CHODL: variants seen among roughly 807,000 people sequenced by gnomAD.
CHODL encodes the protein chondrolectin, also known as transmembrane protein MT75.
In CHODL, 29 loss-of-function variants were observed where a neutral mutation model predicts 34.5. That is an observed-to-expected ratio of 0.84 (90% CI 0.63 to 1.15). CHODL has a LOEUF of 1.15. CHODL is among the 50% of genes most tolerant of loss of function. CHODL has a pLI of 0.00. For synonymous variants in CHODL, 125 were observed against 116.1 expected (o/e 1.08, Z -0.49); for missense variants, 332 against 332.5 (o/e 1.00, Z 0.01).
chr21:17,943,614 C>A (rs1207864220), intron 1 of CHODL, among the ~76,000 whole-genome samples: 2 of 152,198 alleles, frequency 1.3e-5, no homozygotes, highest in Non-Finnish European at 2.9e-5. Flanking sequence ...CTAGAACATT[C>A]TTTCAAAAAC....
At chr21:18,092,137 C>CCCCCAGTT (rs1028834634) in intron 2 of CHODL, among the ~76,000 whole-genome samples, 1 of 152,054 alleles carries the variant, frequency 6.6e-6, no homozygotes, top group Non-Finnish European at 1.5e-5. Flanking sequence ...CATCATCACA[C>CCCCCAGTT]CCCCAGTTCC....
At chr21:18,241,503 G>A (rs1465392590), upstream of CHODL, among the ~76,000 whole-genome samples, 2 of 152,144 alleles carry the variant, frequency 1.3e-5, no homozygotes, top group Non-Finnish European at 2.9e-5. Context: ...CTCCTTTGAA[G>A]ATCCTATTTG....
At chr21:18,187,114 G>A (rs1451089456) in intron 2 of CHODL, among the ~76,000 whole-genome samples, 2 of 152,156 alleles carry the variant, frequency 1.3e-5, no homozygotes, top group Non-Finnish European at 2.9e-5. Flanking sequence ...GCAGAATAGA[G>A]TGGAGGATTA....
intron 2 of CHODL, among the ~76,000 whole-genome samples, chr21:18,237,825 A>G (rs1009261164): frequency 6.6e-6 from 1 of 152,132 alleles, no homozygotes. Context: ...TCTACTGTTT[A>G]TTTACAGTAG....
intron 2 of CHODL, among the ~76,000 whole-genome samples, chr21:18,148,818 A>G (rs918926362): frequency 1.3e-5 from 2 of 152,068 alleles, no homozygotes; most frequent in Non-Finnish European, 2.9e-5. Flanking sequence ...CTTATTATCA[A>G]CATTCAAATG....
At chr21:17,950,680 G>A (rs2146341242) in intron 1 of CHODL, among the ~76,000 whole-genome samples, 1 of 152,294 alleles carries the variant, frequency 6.6e-6, no homozygotes, top group South Asian at 2.1e-4. Context: ...GGGCTGGGTA[G>A]GCAGAGGAGC....
chr21:18,060,354 C>G (rs2064644297), intron 2 of CHODL, among the ~76,000 whole-genome samples: 1 of 151,954 alleles, frequency 6.6e-6, no homozygotes, highest in African/African-American at 2.4e-5. Flanking sequence ...ACTTGGGAGG[C>G]TGATGCGGGA....
chr21:18,071,872 A>G (rs915720994), intron 2 of CHODL, among the ~76,000 whole-genome samples: 17 of 152,146 alleles, frequency 1.1e-4, no homozygotes, highest in African/African-American at 4.1e-4. Context: ...TTCAAATATC[A>G]GGCTTACTTT....
At chr21:18,201,286 T>C (rs983632199) in intron 2 of CHODL, among the ~76,000 whole-genome samples, 2 of 152,166 alleles carry the variant, frequency 1.3e-5, no homozygotes, top group Non-Finnish European at 2.9e-5. Context: ...TTTTAGGGCT[T>C]AGATTTTATA....
Position 18,263,195 on chromosome 21 carries a change from GA to G in CHODL, c.737+303del, listed in dbSNP as rs1430309469. On this transcript the variant is annotated intron_variant, in intron 5 of 5. Transcript: ENST00000299295. ...GTGTCCACGGTGAATCTGAAATTTG[GA>G]TGTTTGTAAACTTCCAACATATGCA... is the stretch of plus-strand genomic sequence containing the variant. Among the ~76,000 whole-genome samples, 4 of 152,140 alleles carry G rather than the reference GA, an allele frequency of 2.6e-5. No individual in the cohort carries two copies. The East Asian group carries it at 7.7e-4, about 29-fold the overall frequency.
chr21:18,190,585 G>A (rs59156989), intron 2 of CHODL, among the ~76,000 whole-genome samples: 4,036 of 152,272 alleles, frequency 0.027, 190 homozygotes, highest in African/African-American at 0.09. Flanking sequence ...AGTAGCAGAA[G>A]CAGAATTTAT....
At chr21:18,080,892 T>C (rs1341920468) in intron 2 of CHODL, among the ~76,000 whole-genome samples, 2 of 152,216 alleles carry the variant, frequency 1.3e-5, no homozygotes, top group Non-Finnish European at 2.9e-5. Context: ...GGTAACTCGA[T>C]AGGGATTGCC....
chr21:18,211,915 TGA>T (rs564560207), intron 2 of CHODL, among the ~76,000 whole-genome samples: 237 of 152,326 alleles, frequency 1.6e-3, no homozygotes, highest in African/African-American at 5.3e-3. Flanking sequence ...GATGAATATA[TGA>T]GAGTCTATCT....
chr21:17,960,640 T>C (rs2063525225), intron 1 of CHODL, among the ~76,000 whole-genome samples: 2 of 152,222 alleles, frequency 1.3e-5, no homozygotes, highest in Admixed American at 6.5e-5. Context: ...TATTCTGTTA[T>C]CTCCTCAAAT....
At chr21:18,170,062 G>A (rs559134458) in intron 2 of CHODL, among the ~76,000 whole-genome samples, 2 of 152,016 alleles carry the variant, frequency 1.3e-5, no homozygotes, top group South Asian at 4.2e-4. Flanking sequence ...AATTGTCTAT[G>A]TCTCTCTTCA....
intron 1 of CHODL, among the ~76,000 whole-genome samples, chr21:18,248,667 A>ATC: frequency 9.7e-6 from 1 of 103,352 alleles, no homozygotes; most frequent in African/African-American, 4.2e-5. Flanking sequence ...ATATATATGT[A>ATC]TAATACATAT....
At chr21:18,110,589 G>A (rs2406167) in intron 2 of CHODL, among the ~76,000 whole-genome samples, 36,448 of 87,596 alleles carry the variant, frequency 0.42, 4,542 homozygotes, top group Middle Eastern at 0.5. Context: ...TACAGCTGAT[G>A]TCTGCCAGGC....
At chr21:18,234,091 TAA>T (rs761713125) in intron 2 of CHODL, among the ~76,000 whole-genome samples, 2 of 152,134 alleles carry the variant, frequency 1.3e-5, no homozygotes, top group Non-Finnish European at 2.9e-5. Context: ...ATAAGTGCAA[TAA>T]AACAAATCAT....
intron 1 of CHODL, among the ~76,000 whole-genome samples, chr21:17,930,402 A>C (rs2063262798): frequency 7.6e-6 from 1 of 131,188 alleles, no homozygotes; most frequent in Non-Finnish European, 1.8e-5. Flanking sequence ...CAATGACCAG[A>C]TCCACCACTG....
Sources: allele counts gnomAD v4.1 joint callset (sites outside exome capture counted in the v4.1 genomes callset), GRCh38; gene constraint gnomAD v4.1.1; transcripts MANE v1.5; gene names NCBI Gene and HGNC (gene_info 2026-07-23, HGNC 2026-07-21).